Variants in ZFP2 observed in about 807,000 individuals in gnomAD.
The protein encoded by ZFP2 is ZFP2 zinc finger protein.
A neutral mutation model predicts 36.1 loss-of-function variants in ZFP2; 33 were observed. That is an observed-to-expected ratio of 0.92 (90% CI 0.69 to 1.22). The LOEUF is 1.22. Among genes scored for constraint, ZFP2 ranks in the 50% most tolerant of loss-of-function variants. The probability of loss-of-function intolerance (pLI) is 0.00; values close to 1 mark genes in which losing one functional copy is unlikely to be tolerated. For missense variants in ZFP2, 522 were observed against 551.4 expected (o/e 0.95, Z 0.53); for synonymous variants, 170 against 178.0 (o/e 0.96, Z 0.36).
At chr5:178,922,636 C>G in intron 4 of ZFP2, 1 of 1,586,274 alleles carries the variant, frequency 6.3e-7, no homozygotes, top group East Asian at 2.2e-5. Context: ...ACGCTTGGAG[C>G]GACCTTTGTC....
Position 178,924,262 on chromosome 5 carries a change from A to T in ZFP2, c.-77-6975A>T, listed in dbSNP as rs542005477. On this transcript the variant is annotated intron_variant, in intron 4 of 4. Coordinates refer to ENST00000361362, the MANE Select transcript of ZFP2 (RefSeq NM_030613.4). ...GTGGCGGGCACCTATAGTCCCAGCT[A>T]CTCGGGAGGCTGAGGCAGGAGAATG... Among the ~76,000 whole-genome samples the T allele has an allele frequency of 1.7e-3, 246 of 147,262 alleles. 5 individuals carry two copies. Among genetic ancestry groups the T allele is most frequent in the African/African-American group, 6.0e-3 (244 of 40,820 alleles).
rs1391540477 is a variant in ZFP2, at chr5:178,904,327, G to A, written c.-449-8257G>A. ...GGGATGCAGACAATAAAGAGGAAATGTGGTTGAGGATAGTGTTAGGTGCTG... is the reference window on the plus strand; with the variant it reads ...GGGATGCAGACAATAAAGAGGAAATATGGTTGAGGATAGTGTTAGGTGCTG... On this transcript the variant is annotated intron_variant, in intron 1 of 4. Transcript: ENST00000361362. Among the ~76,000 whole-genome samples, 8 of 152,224 alleles carry A rather than the reference G, an allele frequency of 5.3e-5. No individual in the cohort carries two copies. The South Asian group carries it at 1.5e-3, about 28-fold the overall frequency.
chr5:178,907,893 G>A (rs1487015383), intron 1 of ZFP2, among the ~76,000 whole-genome samples: 2 of 152,186 alleles, frequency 1.3e-5, no homozygotes, highest in Non-Finnish European at 2.9e-5. Flanking sequence ...TCAGTACAAC[G>A]TGTTCTTAAA....
chr5:178,915,506 GT>G (rs1249642071), intron 3 of ZFP2, among the ~76,000 whole-genome samples: 6 of 151,602 alleles, frequency 4.0e-5, no homozygotes, highest in Non-Finnish European at 8.8e-5. Context: ...TAGAGACAGG[GT>G]TTCACTGTGT....
At chr5:178,910,858 T>C (rs558770909) in intron 1 of ZFP2, among the ~76,000 whole-genome samples, 4 of 152,220 alleles carry the variant, frequency 2.6e-5, no homozygotes, top group Admixed American at 2.6e-4. Flanking sequence ...ACCGCCTCCT[T>C]CATCTGCCAA....
At chr5:178,910,113 A>G (rs1758260383) in intron 1 of ZFP2, 1 of 1,469,626 alleles carries the variant, frequency 6.8e-7, no homozygotes, top group South Asian at 1.1e-5. Context: ...GGCTTCTGTT[A>G]AGAGGCTGGA....
At chr5:178,906,243 T>C (rs1758162781) in intron 1 of ZFP2, among the ~76,000 whole-genome samples, 2 of 152,206 alleles carry the variant, frequency 1.3e-5, no homozygotes, top group South Asian at 4.1e-4. Context: ...GGATTTGGAC[T>C]TTTATTTTGC....
chr5:178,917,201 T>C (rs1758450287), intron 4 of ZFP2, among the ~76,000 whole-genome samples: 1 of 152,224 alleles, frequency 6.6e-6, no homozygotes, highest in Non-Finnish European at 1.5e-5. Context: ...ATGAATAAAG[T>C]ACTATCAAAG....
chr5:178,916,701 A>G lies in ZFP2; in HGVS notation c.-87A>G, dbSNP rs1758438343. 1 of 985,342 alleles carries G rather than the reference A, an allele frequency of 1.0e-6. No individual in the cohort carries two copies. The highest frequency in any genetic ancestry group is 1.2e-6 in the Non-Finnish European group (1 of 829,940). The allele number at this position is 985,342 out of a possible 1,614,324, so 61.0% of individuals were successfully genotyped here. On this transcript the variant is annotated 5_prime_UTR_variant, in exon 4 of 5. Transcript: ENST00000361362. ...CAGCATCTCACTTACTTGACACAAA[A>G]CATCTATAGGTAAGTACTGGTACTC...
intron 1 of ZFP2, among the ~76,000 whole-genome samples, chr5:178,898,692 C>G (rs943114869): frequency 6.6e-6 from 1 of 152,184 alleles, no homozygotes; most frequent in Non-Finnish European, 1.5e-5. Flanking sequence ...TCATTTTTCC[C>G]TCTCAAACCT....
At chr5:178,917,079 G>T (rs925670525) in intron 4 of ZFP2, among the ~76,000 whole-genome samples, 1 of 152,112 alleles carries the variant, frequency 6.6e-6, no homozygotes, top group South Asian at 2.1e-4. Flanking sequence ...TTTGAGAAAA[G>T]ATAGAAATTT....
intron 1 of ZFP2, among the ~76,000 whole-genome samples, chr5:178,896,328 C>G (rs953925047): frequency 1.3e-5 from 2 of 152,184 alleles, no homozygotes; most frequent in Non-Finnish European, 2.9e-5. Context: ...CCCAAGGTTC[C>G]AAGAGTCGCT....
Position 178,931,626 on chromosome 5 carries a change from A to G in ZFP2, c.313A>G (p.Asn105Asp), listed in dbSNP as rs774028333. The change falls in exon 5 of 5, where the codon AAT (asparagine) becomes GAT (aspartate). Residue 105 changes from asparagine (N) to aspartate (D), a missense_variant. Asn to Asp is a conservative substitution (Grantham distance 23, BLOSUM62 1). Transcript: ENST00000361362. The stretch of plus-strand genomic sequence containing the variant: ...TGTAGGAAAGAAGATCTATGAATGT[A>G]ATCAGTGCAGCAAAACCTTCAGTCA... ...MFVGKKIYEC[N>D]QCSKTFSQSS... 1.2e-6 allele frequency: 2 copies of G among 1,614,176 alleles called. No homozygotes were observed. The highest frequency in any genetic ancestry group is 1.7e-6 in the Non-Finnish European group (2 of 1,180,030).
At chr5:178,926,754 G>A (rs183558821) in intron 4 of ZFP2, among the ~76,000 whole-genome samples, 98 of 152,186 alleles carry the variant, frequency 6.4e-4, no homozygotes, top group Middle Eastern at 3.4e-3. Context: ...TCCTGACCTG[G>A]TGATCCGTCC....
chr5:178,904,577 TTA>T (rs1163092599), intron 1 of ZFP2, among the ~76,000 whole-genome samples: 1 of 146,874 alleles, frequency 6.8e-6, no homozygotes, highest in African/African-American at 2.7e-5. Flanking sequence ...TTACATATAT[TTA>T]TATATGAGTT....
Position 178,931,712 on chromosome 5 carries a change from T to G in ZFP2, c.399T>G (p.Asn133Lys). 1 of 1,614,142 alleles carries G rather than the reference T, an allele frequency of 6.2e-7. No homozygotes were observed. The highest frequency in any genetic ancestry group is 1.1e-5 in the South Asian group (1 of 91,080). The part of the protein sequence containing the change: ...IHTGEKPYKC[N>K]VCGKHFIERS... ...CTGGGGAGAAACCCTATAAGTGTAA[T>G]GTATGTGGGAAACACTTCATTGAAC... The change falls in exon 5 of 5, where the codon AAT (asparagine) becomes AAG (lysine). Residue 133 changes from asparagine (N) to lysine (K), a missense_variant. By Grantham distance (94) the Asn-to-Lys change is moderately conservative. Transcript: ENST00000361362.
intron 1 of ZFP2, among the ~76,000 whole-genome samples, chr5:178,898,131 G>A (rs956752282): frequency 6.6e-6 from 1 of 152,112 alleles, no homozygotes; most frequent in Admixed American, 6.5e-5. Context: ...TGGGATTACA[G>A]GCGCCCACCA....
rs1187696445 is a variant in ZFP2 at position 178,922,235 on chromosome 5, C to A, written c.-78+5525C>A. 3.7e-6 allele frequency: 4 copies of A among 1,068,776 alleles called. 1 individual carries two copies. Among genetic ancestry groups the A allele is most frequent in the Non-Finnish European group, 5.9e-6 (4 of 682,856 alleles). The allele number at this position is 1,068,776 out of a possible 1,614,324, so 66.2% of individuals were successfully genotyped here. A position where few individuals can be genotyped will look rare whatever the true frequency, so the allele number is the denominator to read the frequency against. ...TTTTGTAACTGCTGTCAGTCTAGTA[C>A]TATATTTAGTAGTGAAACCAAATAC... is the stretch of plus-strand genomic sequence containing the variant. On this transcript the variant is annotated intron_variant, in intron 4 of 4. Transcript: ENST00000361362.
chr5:178,915,616 C>CTT (rs1458257827), intron 3 of ZFP2: 7 of 104,462 alleles, frequency 6.7e-5, no homozygotes, highest in African/African-American at 2.7e-4. Context: ...ACCCAGCTCA[C>CTT]TTGTTTTTTT....
Sources: gnomAD v4.1 joint callset for allele counts (sites outside exome capture counted in the v4.1 genomes callset) on GRCh38, gnomAD v4.1.1 for gene constraint, MANE v1.5 for transcripts, NCBI Gene and HGNC (gene_info 2026-07-23, HGNC 2026-07-21) for gene names.